Variants in SEC14L1 observed in about 807,000 individuals in gnomAD.
SEC14L1 encodes SEC14-like protein 1.
SEC14L1 carries 48 observed loss-of-function variants against 85.3 expected under a neutral mutation model. The observed-to-expected ratio is 0.56, with a 90% confidence interval of 0.45 to 0.72. SEC14L1 has a LOEUF of 0.72. SEC14L1 is among the 30% of genes least tolerant of loss of function. SEC14L1 has a pLI of 0.00. For missense variants in SEC14L1, 682 were observed against 921.4 expected (o/e 0.74, Z 3.36); for synonymous variants, 391 against 355.5 (o/e 1.10, Z -1.12).
chr17:77,118,389 C>T (rs1381160082), intron 3 of SEC14L1, among the ~76,000 whole-genome samples: 1 of 152,160 alleles, frequency 6.6e-6, no homozygotes, highest in African/African-American at 2.4e-5. Flanking sequence ...TCAGTAGGCA[C>T]ATATGGAGAC....
At chr17:77,173,514 T>C (rs933396829) in intron 3 of SEC14L1, among the ~76,000 whole-genome samples, 5 of 152,018 alleles carry the variant, frequency 3.3e-5, no homozygotes, top group African/African-American at 1.2e-4. Flanking sequence ...TTATTCTTAC[T>C]GGCTTTGAGG....
chr17:77,141,562 G>C (rs1272628531), intron 1 of SEC14L1: 1 of 152,190 alleles, frequency 6.6e-6, no homozygotes, highest in Non-Finnish European at 1.5e-5. Context: ...TTTGGCTCCT[G>C]TTTAAACAGC....
In SEC14L1 at chr17:77,089,354, G is replaced by A. The variant is rs770189060; in HGVS notation, c.-240+83G>A. 7.7e-6 allele frequency: 4 copies of A among 517,538 alleles called. No individual in the cohort carries two copies. The Admixed American group carries it at 7.8e-5, about 10-fold the overall frequency. The allele number at this position is 517,538 out of a possible 1,614,324, so 32.1% of individuals were successfully genotyped here. ...TGTTGTTGAGCCTGCCAAGTTGTGG[G>A]TGCAGCATGGTACCAGGCAGCCCAA... On this transcript the variant is annotated intron_variant, in intron 2 of 19. Coordinates refer to the SEC14L1 transcript ENST00000392476.
chr17:77,212,389 C>T (rs930074863), intron 15 of SEC14L1, among the ~76,000 whole-genome samples, 188 bp downstream of exon 15: 8 of 152,124 alleles, frequency 5.3e-5, no homozygotes, highest in African/African-American at 1.2e-4. Context: ...GTTCAGGCCT[C>T]GCAGTGGTTT....
chr17:77,179,963 C>T (rs1282330790), intron 3 of SEC14L1, among the ~76,000 whole-genome samples: 1 of 151,890 alleles, frequency 6.6e-6, no homozygotes, highest in African/African-American at 2.4e-5. Context: ...AGGCATGAGC[C>T]GCCGCGCCTG....
chr17:77,211,609 A>G (rs1976754843), intron 14 of SEC14L1: 1 of 297,036 alleles, frequency 3.4e-6, no homozygotes, highest in South Asian at 3.8e-5. Context: ...TGTCCAGCCC[A>G]GGGCAGTCCT....
intron 3 of SEC14L1, among the ~76,000 whole-genome samples, chr17:77,180,041 TTGTTTTGTTATGTTA>T (rs371729088): frequency 0.14 from 18,549 of 136,986 alleles, 1,335 homozygotes; most frequent in Middle Eastern, 0.17. Flanking sequence ...ATGTTATGTT[TTGTTTTGTTATGTTA>T]TGTTATGTTA....
intron 8 of SEC14L1, 59 bp downstream of exon 8, chr17:77,196,370 T>A (rs1380120097): frequency 8.8e-6 from 9 of 1,020,048 alleles, no homozygotes; most frequent in Non-Finnish European, 1.3e-5. Flanking sequence ...TCATGGAATC[T>A]CTTTCTGTCA....
rs1976618057 is a variant in SEC14L1, at chr17:77,209,258, G to A, written c.1477-84G>A. The A allele has an allele frequency of 8.5e-6, 13 of 1,524,264 alleles. No homozygotes were observed. In the South Asian group the frequency reaches 1.3e-4, roughly 16 times the overall value. 94.4% of individuals were successfully genotyped at this position (1,524,264 alleles called of 1,614,324 possible). On this transcript the variant is annotated intron_variant, in intron 13 of 16. Transcript: ENST00000436233. ...AGCAACCTCCAGAAGTTGAGTGCAG[G>A]GGGATAGTGCTGGCCGGTGTGTCTG... is the stretch of plus-strand genomic sequence containing the variant.
Position 77,206,610 on chromosome 17 carries a change from G to C in SEC14L1, c.1342-118G>C. On this transcript the variant is annotated intron_variant, in intron 12 of 16. Coordinates refer to ENST00000436233, the MANE Select transcript of SEC14L1 (RefSeq NM_001143998.2). The surrounding 1 kb of genome is among the most constrained non-coding windows in gnomAD (Gnocchi z 4.3). Reference sequence around the variant, plus strand: ...CATGCAAATAGACTTTACAGAAGAAGTATATAAACTTGAATGTCTTCCCCC... The same window carrying C: ...CATGCAAATAGACTTTACAGAAGAACTATATAAACTTGAATGTCTTCCCCC... The C allele has an allele frequency of 7.7e-7, 1 of 1,303,124 alleles. No homozygotes were observed. The highest frequency in any genetic ancestry group is 1.1e-6 in the Non-Finnish European group (1 of 940,894). 80.7% of individuals were successfully genotyped at this position (1,303,124 alleles called of 1,614,324 possible).
In SEC14L1 at chr17:77,170,236, T is replaced by C. The variant is rs1219270593; in HGVS notation, c.64-20567T>C. Among the ~76,000 whole-genome samples, 7 of 152,256 alleles carry C rather than the reference T, an allele frequency of 4.6e-5. No individual in the cohort carries two copies. The South Asian group carries it at 1.0e-3, about 23-fold the overall frequency. On this transcript the variant is annotated intron_variant, in intron 3 of 16. Coordinates refer to ENST00000436233, the MANE Select transcript of SEC14L1 (RefSeq NM_001143998.2). ...AAGAGACAGATTAAACTTTCTTTTT[T>C]AACGTGACTCTGGTTGGGGTGGGTC...
intron 3 of SEC14L1, among the ~76,000 whole-genome samples, chr17:77,134,251 C>CTT (rs35681333): frequency 3.7e-4 from 52 of 142,332 alleles, no homozygotes; most frequent in East Asian, 2.1e-3. Flanking sequence ...CACACACACA[C>CTT]TTTTTTTTTT....
At chr17:77,201,613 G>T (rs1167754498) in intron 9 of SEC14L1, among the ~76,000 whole-genome samples, 1 of 152,142 alleles carries the variant, frequency 6.6e-6, no homozygotes, top group East Asian at 1.9e-4. Context: ...ACCACGCCCG[G>T]CTACTTTTTG....
chr17:77,163,030 C>T (rs1974136873), intron 3 of SEC14L1, among the ~76,000 whole-genome samples: 1 of 152,150 alleles, frequency 6.6e-6, no homozygotes, highest in Admixed American at 6.5e-5. Flanking sequence ...TTCGGTATGC[C>T]ATCGGCCAAT....
intron 3 of SEC14L1, among the ~76,000 whole-genome samples, chr17:77,105,373 A>ACCCCCCC (rs796673679): frequency 1.3e-4 from 11 of 82,374 alleles, no homozygotes; most frequent in Non-Finnish European, 1.7e-4. Flanking sequence ...CTCGCTGACC[A>ACCCCCCC]CCCCCCCCCC....
At chr17:77,153,255 TGG>T (rs1224867181) in intron 3 of SEC14L1, among the ~76,000 whole-genome samples, 2 of 152,092 alleles carry the variant, frequency 1.3e-5, no homozygotes, top group African/African-American at 4.8e-5. Context: ...TTAGTACAGA[TGG>T]GGTTTCACCA....
At chr17:77,204,733 T>G (rs998006983) in intron 10 of SEC14L1, among the ~76,000 whole-genome samples, 6 of 152,012 alleles carry the variant, frequency 3.9e-5, no homozygotes, top group African/African-American at 1.2e-4. Context: ...TGGCATTCCC[T>G]TGTGTATTGT....
At chr17:77,090,842 G>A (rs1434304216) in intron 2 of SEC14L1, among the ~76,000 whole-genome samples, 2 of 152,008 alleles carry the variant, frequency 1.3e-5, no homozygotes, top group Admixed American at 6.6e-5. Context: ...AAAAAAGTAA[G>A]CTGGGTGTGG....
intron 3 of SEC14L1, among the ~76,000 whole-genome samples, chr17:77,131,137 A>G (rs1240585795): frequency 6.6e-6 from 1 of 152,232 alleles, no homozygotes; most frequent in East Asian, 1.9e-4. Context: ...GCCAATGGAA[A>G]GAGGCATCAG....
Sources: allele counts gnomAD v4.1 joint callset (sites outside exome capture counted in the v4.1 genomes callset), GRCh38; gene constraint gnomAD v4.1.1; non-coding constraint Gnocchi (gnomAD v3.1); transcripts MANE v1.5; gene names NCBI Gene and HGNC (gene_info 2026-07-23, HGNC 2026-07-21).